RNF32: variants seen among roughly 807,000 people sequenced by gnomAD.
The protein encoded by RNF32 is ring finger protein 32.
Under a neutral mutation model 41.0 loss-of-function variants are expected in RNF32, and 36 were observed. The ratio of observed to expected loss-of-function variants is 0.88; its 90% confidence interval spans 0.67 to 1.16. The LOEUF (loss-of-function observed/expected upper bound fraction) is 1.16. Among genes scored for constraint, RNF32 ranks in the 50% most tolerant of loss-of-function variants. RNF32 has a pLI of 0.00. For missense variants in RNF32, 413 were observed against 436.7 expected (o/e 0.95, Z 0.48); for synonymous variants, 154 against 160.9 (o/e 0.96, Z 0.32).
At chr7:156,658,011 C>CTAA in intron 5 of RNF32, 117 bp from the exon 6 acceptor site, 1 of 1,069,740 alleles carries the variant, frequency 9.3e-7, no homozygotes, top group Admixed American at 2.2e-5. Context: ...CTAAATTGGG[C>CTAA]TAAGTCTCAT....
chr7:156,676,090 C>T (rs1803933613), intron 8 of RNF32, among the ~76,000 whole-genome samples: 1 of 151,796 alleles, frequency 6.6e-6, no homozygotes, highest in South Asian at 2.1e-4. Flanking sequence ...CCTAGCTGCC[C>T]CTGCACCTGT....
intron 7 of RNF32, among the ~76,000 whole-genome samples, chr7:156,673,083 C>T (rs1742663930): frequency 1.3e-5 from 2 of 152,184 alleles, no homozygotes; most frequent in South Asian, 4.1e-4. Flanking sequence ...AGAATAAACA[C>T]CCAGATCATA....
chr7:156,676,008 G>C (rs1275324541), intron 8 of RNF32, 145 bp downstream of exon 8: 13 of 891,526 alleles, frequency 1.5e-5, no homozygotes, highest in Non-Finnish European at 2.2e-5. Flanking sequence ...AGGCTGTGGG[G>C]GTGGCATGTC....
chr7:156,672,404 G>A (rs1802749012), intron 7 of RNF32, among the ~76,000 whole-genome samples: 1 of 152,148 alleles, frequency 6.6e-6, no homozygotes, highest in Admixed American at 6.5e-5. Context: ...CACAGTGACT[G>A]AGGCAGAAGG....
intron 7 of RNF32, among the ~76,000 whole-genome samples, chr7:156,663,607 T>C (rs1424809070): frequency 6.6e-6 from 1 of 152,226 alleles, no homozygotes; most frequent in Non-Finnish European, 1.5e-5. Context: ...ACTCTAAAGT[T>C]TATCTAAAGA....
chr7:156,656,806 C>A (rs975250465), intron 4 of RNF32, among the ~76,000 whole-genome samples: 1 of 152,244 alleles, frequency 6.6e-6, no homozygotes, highest in South Asian at 2.1e-4. Context: ...CTGCTTTCCT[C>A]CCCGTTGCTG....
Position 156,644,763 on chromosome 7 carries a change from C to G in RNF32, c.274+6C>G. 6.3e-7 allele frequency: 1 copy of G among 1,594,244 alleles called. No homozygotes were observed. Among genetic ancestry groups the G allele is most frequent in the Non-Finnish European group, 8.5e-7 (1 of 1,175,940 alleles). On this transcript the variant is annotated splice_donor_region_variant and intron_variant, in intron 3 of 8. Coordinates refer to ENST00000317955, the MANE Select transcript of RNF32 (RefSeq NM_030936.4). ...ACCGCCGCCGTTGACTTTGGGTAAGCTGACGTAGTCATTCATCTTTTGGCT... is the reference window on the plus strand; with the variant it reads ...ACCGCCGCCGTTGACTTTGGGTAAGGTGACGTAGTCATTCATCTTTTGGCT...
intron 7 of RNF32, among the ~76,000 whole-genome samples, chr7:156,664,386 G>A (rs766619665): frequency 2.0e-5 from 3 of 152,150 alleles, no homozygotes; most frequent in East Asian, 3.8e-4. Context: ...GCTTGCACCC[G>A]GGAGGCAGAG....
At chr7:156,663,455 GA>G (rs952349286) in intron 7 of RNF32, among the ~76,000 whole-genome samples, 5 of 152,092 alleles carry the variant, frequency 3.3e-5, no homozygotes, top group Admixed American at 6.5e-5. Flanking sequence ...AATTTTTTCT[GA>G]TGGAATAAAA....
Position 156,642,214 on chromosome 7 carries a change from G to A in RNF32, c.-78+1403G>A, listed in dbSNP as rs1797436493. Reference sequence around the variant, plus strand: ...AGCCATGCAGTGTACAAGGAAACCAGTTTCACCATAGGTTAATTGATATAA... The same window carrying A: ...AGCCATGCAGTGTACAAGGAAACCAATTTCACCATAGGTTAATTGATATAA... On this transcript the variant is annotated intron_variant, in intron 1 of 8. Transcript: ENST00000317955. Among the ~76,000 whole-genome samples, 4 of 152,308 alleles carry A rather than the reference G, an allele frequency of 2.6e-5. No individual in the cohort carries two copies. The East Asian group carries it at 7.7e-4, about 29-fold the overall frequency.
chr7:156,674,877 G>A (rs906799208), intron 7 of RNF32, among the ~76,000 whole-genome samples: 2 of 152,150 alleles, frequency 1.3e-5, no homozygotes, highest in Non-Finnish European at 2.9e-5. Context: ...CTGATCCTGC[G>A]AAATTCGAAC....
At chr7:156,671,891 A>C (rs549204376) in intron 7 of RNF32, among the ~76,000 whole-genome samples, 73 of 152,336 alleles carry the variant, frequency 4.8e-4, no homozygotes, top group Middle Eastern at 3.4e-3. Context: ...AACGGTTCTA[A>C]ATAACGTATT....
At chr7:156,648,700 T>G (rs1563071342) in intron 3 of RNF32, among the ~76,000 whole-genome samples, 1 of 152,252 alleles carries the variant, frequency 6.6e-6, no homozygotes, top group Non-Finnish European at 1.5e-5. Flanking sequence ...TTTCTGTCTT[T>G]TCTTGCTGAT....
At chr7:156,640,361 G>A (rs780123060), upstream of RNF32, 39 of 444,794 alleles carry the variant, frequency 8.8e-5, no homozygotes, top group Non-Finnish European at 1.4e-4. Flanking sequence ...GAGCGTGGCT[G>A]CGCCCACAAA....
In RNF32 at chr7:156,669,635, C is replaced by T. The variant is rs982168238; in HGVS notation, c.685-6061C>T. ...TTTTCAAGAGGGCGACCCACAGCCA[C>T]GTGAACACTGGAAACTGCCCTCAGA... On this transcript the variant is annotated intron_variant, in intron 7 of 8. Coordinates refer to ENST00000317955, the MANE Select transcript of RNF32 (RefSeq NM_030936.4). The surrounding 1 kb of genome is among the most constrained non-coding windows in gnomAD (Gnocchi z 4.2). Among the ~76,000 whole-genome samples the T allele has an allele frequency of 4.6e-5, 7 of 152,254 alleles. 1 individual carries two copies. The highest frequency in any genetic ancestry group is 2.1e-4 in the South Asian group (1 of 4,824).
chr7:156,672,029 T>TA (rs1385843094), intron 7 of RNF32, among the ~76,000 whole-genome samples: 2 of 151,154 alleles, frequency 1.3e-5, no homozygotes, highest in African/African-American at 4.9e-5. Flanking sequence ...TCTGCCATGC[T>TA]AGGTTTTCTT....
In RNF32 at chr7:156,665,086, CT is replaced by C. The variant is rs1324378146; in HGVS notation, c.684+6519del. Among the ~76,000 whole-genome samples, 16 of 152,258 alleles carry C rather than the reference CT, an allele frequency of 1.1e-4. No individual in the cohort carries two copies. In the East Asian group the frequency reaches 3.1e-3, roughly 29 times the overall value. On this transcript the variant is annotated intron_variant, in intron 7 of 8. Coordinates refer to ENST00000317955, the MANE Select transcript of RNF32 (RefSeq NM_030936.4). Reference sequence around the variant, plus strand: ...GCTTCATTTTCTCCTTACATTTGTCCTTTATATTTCCAAAAGTTCTTCAGAA... The same window carrying C: ...GCTTCATTTTCTCCTTACATTTGTCCTTATATTTCCAAAAGTTCTTCAGAA...
chr7:156,659,232 G>A, intron 7 of RNF32: 2 of 1,090,976 alleles, frequency 1.8e-6, no homozygotes, highest in Non-Finnish European at 2.2e-6. Flanking sequence ...GGCAGTGTTG[G>A]CCTGAGAAGA....
intron 7 of RNF32, among the ~76,000 whole-genome samples, chr7:156,666,675 T>C (rs1801380992): frequency 6.6e-6 from 1 of 152,202 alleles, no homozygotes; most frequent in African/African-American, 2.4e-5. Context: ...CACTTATTCA[T>C]TCAGGTTTTG....
Sources: gnomAD v4.1 joint callset for allele counts (sites outside exome capture counted in the v4.1 genomes callset) on GRCh38, gnomAD v4.1.1 for gene constraint, Gnocchi (gnomAD v3.1) non-coding constraint, MANE v1.5 for transcripts, NCBI Gene and HGNC (gene_info 2026-07-23, HGNC 2026-07-21) for gene names.